Variants in HNRNPM observed in about 807,000 individuals in gnomAD.
HNRNPM encodes the protein CEA receptor.
In HNRNPM, 11 loss-of-function variants were observed where a neutral mutation model predicts 73.1. The observed-to-expected ratio is 0.15, with a 90% confidence interval of 0.09 to 0.25. The LOEUF (loss-of-function observed/expected upper bound fraction) is 0.25. HNRNPM is among the 10% of genes least tolerant of loss of function. HNRNPM has a pLI of 1.00. For synonymous variants in HNRNPM, 407 were observed against 355.2 expected (o/e 1.15, Z -1.64); for missense variants, 789 against 1,067.9 (o/e 0.74, Z 3.64).
At chr19:8,482,996 T>C (rs1971026881) in intron 12 of HNRNPM, 162 bp from the exon 13 acceptor site, 1 of 598,610 alleles carries the variant, frequency 1.7e-6, no homozygotes. Flanking sequence ...ACTCTCCTAG[T>C]TCTCTGTAAA....
At chr19:8,452,528 T>G (rs1968702306) in intron 1 of HNRNPM, among the ~76,000 whole-genome samples, 1 of 152,190 alleles carries the variant, frequency 6.6e-6, no homozygotes, top group Non-Finnish European at 1.5e-5. Context: ...GTGGCCTGGG[T>G]AACAGTTGTA....
chr19:8,486,477 T>C (rs2145764664), intron 14 of HNRNPM, 72 bp downstream of exon 14: 1 of 1,377,018 alleles, frequency 7.3e-7, no homozygotes, highest in East Asian at 2.3e-5. Flanking sequence ...ATCAGCAGGA[T>C]GAAGTCAGAG....
At chr19:8,467,209 C>G (rs1022811272) in intron 7 of HNRNPM, among the ~76,000 whole-genome samples, 1 of 152,136 alleles carries the variant, frequency 6.6e-6, no homozygotes, top group Admixed American at 6.5e-5. Context: ...CATGGTCCTT[C>G]AGTTTAGATA....
At chr19:8,466,681 C>T (rs1282608168) in intron 7 of HNRNPM, among the ~76,000 whole-genome samples, 9 of 151,906 alleles carry the variant, frequency 5.9e-5, no homozygotes. Flanking sequence ...CAAAAATTAG[C>T]TGGGCGCAGT....
chr19:8,475,339 C>T lies in HNRNPM; in HGVS notation c.1120+1095C>T, dbSNP rs191969137. Among the ~76,000 whole-genome samples the T allele has an allele frequency of 2.0e-5, 3 of 152,372 alleles. 1 individual carries two copies. Among genetic ancestry groups the T allele is most frequent in the Non-Finnish European group, 2.9e-5 (2 of 68,038 alleles). ...ATTGTAAATTTTCCTTTTTGAAATC[C>T]TTTATGTGTTGGTGACTCTTTGACC... On this transcript the variant is annotated intron_variant, in intron 12 of 15. Coordinates refer to ENST00000325495, the MANE Select transcript of HNRNPM (RefSeq NM_005968.5).
chr19:8,464,991 C>T (rs1463220780), intron 5 of HNRNPM, among the ~76,000 whole-genome samples: 1 of 152,176 alleles, frequency 6.6e-6, no homozygotes, highest in African/African-American at 2.4e-5. Flanking sequence ...TTCAGCTATA[C>T]CAAGCCCATG....
intron 1 of HNRNPM, among the ~76,000 whole-genome samples, chr19:8,449,105 A>G (rs1438751303): frequency 3.3e-5 from 5 of 152,216 alleles, no homozygotes; most frequent in Non-Finnish European, 7.3e-5. Context: ...TGTACTTTAA[A>G]GAGTGATTGT....
Position 8,488,736 on chromosome 19 carries a change from A to C in HNRNPM, c.2075A>C (p.Lys692Thr), listed in dbSNP as rs757994530. The C allele has an allele frequency of 6.2e-7, 1 of 1,614,064 alleles. No homozygotes were observed. Among genetic ancestry groups the C allele is most frequent in the Non-Finnish European group, 8.5e-7 (1 of 1,179,972 alleles). Residue 692 changes from lysine to threonine, a missense_variant, in exon 16 of 16, where the codon AAG becomes ACG. This residue lies in a region of HNRNPM where 43 missense variants were observed against 105.8 expected (regional missense o/e 0.41). Coordinates refer to ENST00000325495, the MANE Select transcript of HNRNPM (RefSeq NM_005968.5). ...ATCAAGATGGAGAATGGGAAGTCCAAGGGGTGTGGCGTGGTTAAGTTCGAG... is the reference window on the plus strand; with the variant it reads ...ATCAAGATGGAGAATGGGAAGTCCACGGGGTGTGGCGTGGTTAAGTTCGAG... ...ADIKMENGKS[K>T]GCGVVKFESP...
Position 8,462,369 on chromosome 19 carries a change from C to A in HNRNPM, c.284-160C>A. The A allele has an allele frequency of 4.6e-6, 3 of 658,630 alleles. No homozygotes were observed. The highest frequency in any genetic ancestry group is 5.2e-5 in the East Asian group (2 of 38,614). The allele number at this position is 658,630 out of a possible 1,614,324, so 40.8% of individuals were successfully genotyped here. ...GTTTTCACCTACTTTTACTGCACAC[C>A]TGTAATGCCTAGTTCGGTGGTTTAG... is the stretch of plus-strand genomic sequence containing the variant. On this transcript the variant is annotated intron_variant, in intron 2 of 15. Coordinates refer to ENST00000325495, the MANE Select transcript of HNRNPM (RefSeq NM_005968.5). The surrounding 1 kb of genome is among the most constrained non-coding windows in gnomAD (Gnocchi z 4.5).
At chr19:8,463,823 C>T (rs894054130) in intron 5 of HNRNPM, 137 bp downstream of exon 5, 10 of 629,210 alleles carry the variant, frequency 1.6e-5, no homozygotes, top group African/African-American at 5.5e-5. Context: ...TGAAGAGTGT[C>T]GGTCATAGCC....
chr19:8,483,740 A>G (rs1004385677), intron 13 of HNRNPM, among the ~76,000 whole-genome samples: 4 of 152,240 alleles, frequency 2.6e-5, no homozygotes, highest in Non-Finnish European at 5.9e-5. Flanking sequence ...ATTCATACAC[A>G]GCTTTATGGA....
At chr19:8,466,502 T>A in intron 7 of HNRNPM, 114 bp downstream of exon 7, 2 of 1,061,176 alleles carry the variant, frequency 1.9e-6, no homozygotes, top group African/African-American at 1.6e-5. Flanking sequence ...TTTATGTGAC[T>A]AGGGGGAGTG....
At chr19:8,451,580 C>G (rs1467730738) in intron 1 of HNRNPM, among the ~76,000 whole-genome samples, 2 of 152,170 alleles carry the variant, frequency 1.3e-5, no homozygotes, top group Non-Finnish European at 2.9e-5. Flanking sequence ...GCTGTTACCC[C>G]CGGCTGGAGT....
chr19:8,445,031 G>A lies in HNRNPM; in HGVS notation c.33G>A (p.Val11=). ...CAGGGGTCGAAGCGGCGGCGGAGGT[G>A]GCGGCGACGGAGATCAAAATGGAGG... MAAGVEAAAE[V]AATEIKMEEE... is the part of the protein sequence containing the mutation. The change falls in exon 1 of 16, where the codon GTG becomes GTA. Residue 11 remains valine (V), a synonymous_variant. Transcript: ENST00000325495. 1.4e-6 allele frequency: 2 copies of A among 1,424,240 alleles called. No homozygotes were observed. The highest frequency in any genetic ancestry group is 1.8e-6 in the Non-Finnish European group (2 of 1,092,438). 88.2% of individuals were successfully genotyped at this position (1,424,240 alleles called of 1,614,324 possible).
chr19:8,466,378 G>C lies in HNRNPM; in HGVS notation c.774G>C (p.Val258=). Residue 258 remains valine (V), a synonymous_variant, in exon 7 of 16, where the codon GTG becomes GTC. Coordinates refer to ENST00000325495, the MANE Select transcript of HNRNPM (RefSeq NM_005968.5). Reference sequence around the variant, plus strand: ...CTTTTGAACAGTCCATTGAAGCTGTGCAAGCTATATGTATCCTTCTGCAGG... The same window carrying C: ...CTTTTGAACAGTCCATTGAAGCTGTCCAAGCTATATGTATCCTTCTGCAGG... ...TVTFEQSIEA[V]QAISMFNGQL... is the part of the protein sequence containing the mutation. 1 of 1,614,054 alleles carries C rather than the reference G, an allele frequency of 6.2e-7. No individual in the cohort carries two copies. The highest frequency in any genetic ancestry group is 8.5e-7 in the Non-Finnish European group (1 of 1,179,966).
intron 11 of HNRNPM, 70 bp downstream of exon 11, chr19:8,473,778 TTCTTG>T (rs1382762310): frequency 2.0e-6 from 2 of 1,008,328 alleles, no homozygotes; most frequent in Non-Finnish European, 1.5e-6. Context: ...CCTCTTTTCT[TTCTTG>T]TTTAAACCCT....
chr19:8,446,678 C>T (rs894906692), intron 1 of HNRNPM, among the ~76,000 whole-genome samples: 1 of 152,192 alleles, frequency 6.6e-6, no homozygotes, highest in Non-Finnish European at 1.5e-5. Context: ...GCTGAAGTTA[C>T]AGGCATGAGC....
chr19:8,465,204 TGA>T, intron 5 of HNRNPM, 118 bp from the exon 6 acceptor site: 2 of 770,670 alleles, frequency 2.6e-6, no homozygotes, highest in Non-Finnish European at 4.1e-6. Flanking sequence ...TTAATAGATT[TGA>T]GAGATGCTTT....
chr19:8,473,563 C>G, intron 10 of HNRNPM, 101 bp from the exon 11 acceptor site: 1 of 735,862 alleles, frequency 1.4e-6, no homozygotes, highest in East Asian at 2.7e-5. Flanking sequence ...CAGGGATTTT[C>G]TTTTGAGTTC....
Sources: allele counts gnomAD v4.1 joint callset (sites outside exome capture counted in the v4.1 genomes callset), GRCh38; gene constraint gnomAD v4.1.1; regional missense constraint gnomAD v4.1.1; non-coding constraint Gnocchi (gnomAD v3.1); transcripts MANE v1.5; gene names NCBI Gene and HGNC (gene_info 2026-07-23, HGNC 2026-07-21).